The following RAB39A variants were observed in gnomAD, a reference collection of about 807,000 sequenced individuals.
RAB39A encodes ras-related protein Rab-39A.
In RAB39A, 17 loss-of-function variants were observed where a neutral mutation model predicts 20.9. The observed-to-expected ratio is 0.81, with a 90% confidence interval of 0.56 to 1.22. RAB39A has a LOEUF of 1.22. Ranked by LOEUF, RAB39A falls within the 50% of genes most tolerant of loss-of-function variation. The pLI, the probability that RAB39A is intolerant of heterozygous loss-of-function variation, is 0.00. For missense variants in RAB39A, 234 were observed against 270.5 expected (o/e 0.87, Z 0.95); for synonymous variants, 99 against 103.4 (o/e 0.96, Z 0.26).
intron 1 of RAB39A, among the ~76,000 whole-genome samples, chr11:107,949,029 A>G (rs1861346686): frequency 1.3e-5 from 2 of 152,178 alleles, no homozygotes; most frequent in Admixed American, 6.5e-5. Flanking sequence ...GAAGAACATT[A>G]AAGAATTTGG....
At chr11:107,931,863 C>CTTTTTTTTTTTTT (rs35328521) in intron 1 of RAB39A, among the ~76,000 whole-genome samples, 1 of 118,050 alleles carries the variant, frequency 8.5e-6, no homozygotes, top group Non-Finnish European at 1.7e-5. Context: ...TTCTTTCCTT[C>CTTTTTTTTTTTTT]TTTTTTTTTT....
At position 107,961,872 on chromosome 11, in the gene RAB39A, G is replaced by T. The variant is rs72992527; in HGVS notation, c.228-74G>T. The T allele has an allele frequency of 0.026, 28,854 of 1,114,816 alleles. 442 individuals are homozygous for T. The highest frequency in any genetic ancestry group is 0.031 in the Non-Finnish European group (23,831 of 778,256). The allele number at this position is 1,114,816 out of a possible 1,614,324, so 69.1% of individuals were successfully genotyped here. A position where few individuals can be genotyped will look rare whatever the true frequency, so the allele number is the denominator to read the frequency against. ...TTAAGATATCTTCAAATGTTATTAT[G>T]GTGCTAGATTGTTGGAAGGAGAAGA... is the stretch of plus-strand genomic sequence containing the variant. On this transcript the variant is annotated intron_variant, in intron 1 of 1. Transcript: ENST00000320578.
At chr11:107,931,791 T>A (rs931741870) in intron 1 of RAB39A, among the ~76,000 whole-genome samples, 3 of 151,954 alleles carry the variant, frequency 2.0e-5, no homozygotes, top group Non-Finnish European at 4.4e-5. Flanking sequence ...GCATAATAAA[T>A]GTATTACAGA....
chr11:107,961,144 G>A (rs1016357635), intron 1 of RAB39A, among the ~76,000 whole-genome samples: 3 of 152,184 alleles, frequency 2.0e-5, no homozygotes, highest in African/African-American at 7.2e-5. Context: ...AGTTTGGGCT[G>A]TTATAACAAA....
chr11:107,944,838 A>G (rs1048311790), intron 1 of RAB39A, among the ~76,000 whole-genome samples: 2 of 152,172 alleles, frequency 1.3e-5, no homozygotes, highest in Non-Finnish European at 2.9e-5. Context: ...ATTCTGGGAC[A>G]TGCTGAATAT....
At chr11:107,946,273 T>G (rs1400611221) in intron 1 of RAB39A, among the ~76,000 whole-genome samples, 1 of 140,854 alleles carries the variant, frequency 7.1e-6, no homozygotes, top group Non-Finnish European at 1.5e-5. Context: ...CTCTGAGAGA[T>G]AAGGAAAACA....
intron 1 of RAB39A, 124 bp from the exon 2 acceptor site, chr11:107,961,818 TTTTA>T: frequency 1.2e-6 from 1 of 803,966 alleles, no homozygotes; most frequent in South Asian, 2.1e-5. Context: ...ATACCTCATA[TTTTA>T]TTTATAAATT....
chr11:107,947,061 C>T (rs1203814506), intron 1 of RAB39A, among the ~76,000 whole-genome samples: 1 of 151,728 alleles, frequency 6.6e-6, no homozygotes, highest in Non-Finnish European at 1.5e-5. Context: ...AAAAAAATCT[C>T]AAAAGGTAGG....
chr11:107,942,429 C>T (rs558497165), intron 1 of RAB39A, among the ~76,000 whole-genome samples: 1 of 152,122 alleles, frequency 6.6e-6, no homozygotes, highest in Non-Finnish European at 1.5e-5. Context: ...GGGTCTTGCT[C>T]TGTCACTCAT....
chr11:107,952,617 C>A (rs7117318), intron 1 of RAB39A, among the ~76,000 whole-genome samples: 44 of 152,078 alleles, frequency 2.9e-4, no homozygotes, highest in African/African-American at 1.0e-3. Flanking sequence ...TGCTGTGACT[C>A]ACACCTGTAA....
Position 107,928,545 on chromosome 11 carries a change from G to C in RAB39A, c.-24G>C, listed in dbSNP as rs775036190. The C allele has an allele frequency of 1.5e-5, 21 of 1,426,262 alleles. No homozygotes were observed. Among genetic ancestry groups the C allele is most frequent in the Middle Eastern group, 3.8e-4 (2 of 5,260 alleles). The allele number at this position is 1,426,262 out of a possible 1,614,324, so 88.4% of individuals were successfully genotyped here. The stretch of plus-strand genomic sequence containing the variant: ...ACTTAGCCCGCGGGTGGGGCGGCCC[G>C]GGAGCCAGCGGGGCACGTGAGCGAT... On this transcript the variant is annotated 5_prime_UTR_variant, in exon 1 of 2. Transcript: ENST00000320578. This position sits in a 1 kb window ranked among gnomAD's most constrained non-coding sequence, Gnocchi z 4.9.
chr11:107,946,742 G>A (rs985838660), intron 1 of RAB39A, among the ~76,000 whole-genome samples: 1 of 151,072 alleles, frequency 6.6e-6, no homozygotes, highest in African/African-American at 2.4e-5. Context: ...CCAAGGTGCT[G>A]AGATTACAGG....
intron 1 of RAB39A, among the ~76,000 whole-genome samples, chr11:107,947,389 G>A (rs1429877521): frequency 6.6e-6 from 1 of 152,142 alleles, no homozygotes; most frequent in Non-Finnish European, 1.5e-5. Flanking sequence ...TTACAGGTAT[G>A]AGCCACCGCG....
intron 1 of RAB39A, among the ~76,000 whole-genome samples, chr11:107,956,176 T>G (rs1383789327): frequency 1.3e-5 from 2 of 152,220 alleles, no homozygotes. Flanking sequence ...TTTCTTTTTT[T>G]GCACTGCTAG....
At position 107,933,818 on chromosome 11, in the gene RAB39A, A is replaced by G. The variant is rs567266119; in HGVS notation, c.227+5023A>G. ...TGGGATTACAGGCGCCCCAAGCTCAACTAATTTTTGTACTTTTAGTAGAGA... is the reference window on the plus strand; with the variant it reads ...TGGGATTACAGGCGCCCCAAGCTCAGCTAATTTTTGTACTTTTAGTAGAGA... On this transcript the variant is annotated intron_variant, in intron 1 of 1. Coordinates refer to ENST00000320578, the MANE Select transcript of RAB39A (RefSeq NM_017516.3). Among the ~76,000 whole-genome samples, 186 of 151,248 alleles carry G rather than the reference A, an allele frequency of 1.2e-3. 1 individual carries two copies. Among genetic ancestry groups the G allele is most frequent in the African/African-American group, 4.4e-3 (181 of 41,154 alleles).
chr11:107,949,791 C>T (rs1028690257), intron 1 of RAB39A, among the ~76,000 whole-genome samples: 1 of 152,136 alleles, frequency 6.6e-6, no homozygotes, highest in South Asian at 2.1e-4. Flanking sequence ...TTTCCATTTT[C>T]ACACATAACT....
chr11:107,961,539 TC>T (rs1168872934), intron 1 of RAB39A, among the ~76,000 whole-genome samples: 2 of 152,206 alleles, frequency 1.3e-5, no homozygotes, highest in East Asian at 3.8e-4. Context: ...AGAGAAGAGT[TC>T]ATTAAATTTT....
chr11:107,958,930 G>A (rs1046650201), intron 1 of RAB39A, among the ~76,000 whole-genome samples: 2 of 152,050 alleles, frequency 1.3e-5, no homozygotes, highest in Admixed American at 6.6e-5. Flanking sequence ...GACCAGCCTG[G>A]CCAACATGGT....
At chr11:107,948,799 C>T (rs980281795) in intron 1 of RAB39A, among the ~76,000 whole-genome samples, 12 of 152,092 alleles carry the variant, frequency 7.9e-5, no homozygotes, top group African/African-American at 2.9e-4. Flanking sequence ...TTTTCCTGTT[C>T]CCCCAACTTG....
Sources: gnomAD v4.1 joint callset for allele counts (sites outside exome capture counted in the v4.1 genomes callset) on GRCh38, gnomAD v4.1.1 for gene constraint, Gnocchi (gnomAD v3.1) non-coding constraint, MANE v1.5 for transcripts, NCBI Gene and HGNC (gene_info 2026-07-23, HGNC 2026-07-21) for gene names.